The following GHR variants were observed in gnomAD, a reference collection of about 807,000 sequenced individuals.
GHR encodes GH receptor.
In GHR, 35 loss-of-function variants were observed where a neutral mutation model predicts 67.1. That is an observed-to-expected ratio of 0.52 (90% confidence interval 0.40 to 0.69). The LOEUF is 0.69. Among genes scored for constraint, GHR ranks in the 30% least tolerant of loss-of-function variants. The pLI is 0.00. For missense variants in GHR, 792 were observed against 764.6 expected, an observed-to-expected ratio of 1.04 and a Z score of -0.42; for synonymous variants, 272 against 269.1, an observed-to-expected ratio of 1.01 and a Z score of -0.10.
chr5:42,548,474 G>A (rs1748843313), intron 1 of GHR: 1 of 984,942 alleles, frequency 1.0e-6, no homozygotes, highest in African/African-American at 1.7e-5. Flanking sequence ...TATAAAGCCT[G>A]GAGGAAACAA....
intron 1 of GHR, among the ~76,000 whole-genome samples, chr5:42,533,054 CAATG>C (rs1184461959): frequency 2.0e-5 from 3 of 152,122 alleles, no homozygotes; most frequent in African/African-American, 7.2e-5. Context: ...CTCCTACCAG[CAATG>C]AATGAGAACT....
At chr5:42,474,245 GAGAA>G (rs1235821512) in intron 1 of GHR, among the ~76,000 whole-genome samples, 2 of 120,902 alleles carry the variant, frequency 1.7e-5, no homozygotes, top group East Asian at 2.2e-4. Context: ...AAGAAAGAGA[GAGAA>G]AGACAGACAG....
chr5:42,463,568 T>G (rs1447779227), intron 1 of GHR, among the ~76,000 whole-genome samples: 1 of 152,214 alleles, frequency 6.6e-6, no homozygotes, highest in African/African-American at 2.4e-5. Context: ...GGACAAATAG[T>G]CATCTTTCTG....
chr5:42,699,046 A>C (rs1757806782), intron 5 of GHR, among the ~76,000 whole-genome samples: 1 of 152,246 alleles, frequency 6.6e-6, no homozygotes. Context: ...TGTGACAGTC[A>C]AAAAGACAGA....
intron 1 of GHR, chr5:42,467,166 G>T: frequency 6.3e-7 from 1 of 1,598,278 alleles, no homozygotes; most frequent in South Asian, 1.1e-5. Context: ...TTCTCTGGTG[G>T]ACAAAAAGGC....
intron 5 of GHR, among the ~76,000 whole-genome samples, chr5:42,697,500 T>C (rs1177173672): frequency 1.3e-5 from 2 of 151,928 alleles, no homozygotes; most frequent in South Asian, 2.1e-4. Flanking sequence ...TAAAGAAGGA[T>C]TGGAGAGGAT....
chr5:42,426,417 T>G (rs1027148797), intron 1 of GHR, among the ~76,000 whole-genome samples: 2 of 152,180 alleles, frequency 1.3e-5, no homozygotes, highest in African/African-American at 4.8e-5. Flanking sequence ...ATGGATTATG[T>G]TTTTTAAATC....
At chr5:42,479,029 G>C (rs1295275194) in intron 1 of GHR, among the ~76,000 whole-genome samples, 1 of 152,124 alleles carries the variant, frequency 6.6e-6, no homozygotes, top group Non-Finnish European at 1.5e-5. Flanking sequence ...GTTTGTCATA[G>C]ATAGCTCTTA....
At chr5:42,558,178 T>C (rs1448654066) in intron 1 of GHR, among the ~76,000 whole-genome samples, 1 of 152,120 alleles carries the variant, frequency 6.6e-6, no homozygotes, top group Non-Finnish European at 1.5e-5. Context: ...GCACACTGAG[T>C]ACCCTTGGAA....
intron 5 of GHR, among the ~76,000 whole-genome samples, chr5:42,695,532 AG>A (rs1312466581): frequency 1.3e-5 from 2 of 152,188 alleles, no homozygotes; most frequent in Non-Finnish European, 2.9e-5. Flanking sequence ...TTTATCACAA[AG>A]CATAATCATT....
At chr5:42,460,720 ATAGTTAATAGTTGGTAG>A in intron 1 of GHR, among the ~76,000 whole-genome samples, 2 of 152,208 alleles carry the variant, frequency 1.3e-5, no homozygotes, top group Non-Finnish European at 2.9e-5. Flanking sequence ...GTGTTTCCTA[ATAGTTAATAGTTGGTAG>A]CTTAATAGGA....
At chr5:42,712,221 T>C (rs1758495559) in intron 7 of GHR, among the ~76,000 whole-genome samples, 1 of 152,142 alleles carries the variant, frequency 6.6e-6, no homozygotes, top group Non-Finnish European at 1.5e-5. Flanking sequence ...AATCTCATGA[T>C]ACTAAATAGC....
chr5:42,466,273 A>G (rs1238552750), intron 1 of GHR, among the ~76,000 whole-genome samples: 1 of 139,440 alleles, frequency 7.2e-6, no homozygotes, highest in Admixed American at 6.9e-5. Flanking sequence ...TATCTACAAT[A>G]TCAAGGTTCA....
At chr5:42,477,910 T>G (rs866919282) in intron 1 of GHR, among the ~76,000 whole-genome samples, 287 of 152,260 alleles carry the variant, frequency 1.9e-3, no homozygotes, top group Middle Eastern at 0.017. Context: ...TGTCAATTTT[T>G]GCTTTTGTTG....
chr5:42,567,310 G>A (rs1351301178), intron 2 of GHR, among the ~76,000 whole-genome samples: 1 of 152,202 alleles, frequency 6.6e-6, no homozygotes, highest in African/African-American at 2.4e-5. Context: ...CCCCAGCTGA[G>A]AGATTAGAGC....
chr5:42,623,844 G>A (rs532194926), intron 2 of GHR, among the ~76,000 whole-genome samples: 2 of 152,268 alleles, frequency 1.3e-5, no homozygotes, highest in African/African-American at 4.8e-5. Context: ...ACCACAGTTC[G>A]TAATGGTTTC....
At chr5:42,676,911 G>T (rs1345546221) in intron 3 of GHR, among the ~76,000 whole-genome samples, 1 of 152,052 alleles carries the variant, frequency 6.6e-6, no homozygotes, top group East Asian at 1.9e-4. Context: ...CTGGGTAAGG[G>T]GTTCCTTCCT....
chr5:42,511,905 C>G (rs144470700), intron 1 of GHR, among the ~76,000 whole-genome samples: 4 of 152,284 alleles, frequency 2.6e-5, no homozygotes, highest in African/African-American at 9.6e-5. Flanking sequence ...TTGCACCCCT[C>G]TATCATCATA....
At chr5:42,554,715 T>C (rs1456220102) in intron 1 of GHR, among the ~76,000 whole-genome samples, 1 of 152,076 alleles carries the variant, frequency 6.6e-6, no homozygotes, top group Non-Finnish European at 1.5e-5. Context: ...TATGTGAGTG[T>C]AAAAGGCATA....
Sources: allele counts gnomAD v4.1 joint callset (sites outside exome capture counted in the v4.1 genomes callset), GRCh38; gene constraint gnomAD v4.1.1; transcripts MANE v1.5; gene names NCBI Gene and HGNC (gene_info 2026-07-23, HGNC 2026-07-21).